The following GRM7 variants were observed in gnomAD, a reference collection of about 807,000 sequenced individuals.
GRM7 encodes metabotropic glutamate receptor 7.
Under a neutral mutation model 84.5 loss-of-function variants are expected in GRM7, and 35 were observed. The observed-to-expected ratio is 0.41, with a 90% CI of 0.32 to 0.55. GRM7 has a LOEUF of 0.55. Ranked by LOEUF, GRM7 falls within the 20% of genes least tolerant of loss-of-function variation. The pLI is 0.19. For missense variants in GRM7, 1,003 were observed against 1,194.6 expected (o/e 0.84, Z 2.36); for synonymous variants, 487 against 455.1 (o/e 1.07, Z -0.89).
rs1359217351 is a variant in GRM7 at position 7,072,785 on chromosome 3, T to C, written c.520-73667T>C. Among the ~76,000 whole-genome samples, 4 of 152,164 alleles carry C rather than the reference T, an allele frequency of 2.6e-5. No homozygotes were observed. In the East Asian group the frequency reaches 7.7e-4, roughly 29 times the overall value. On this transcript the variant is annotated intron_variant, in intron 1 of 9. Coordinates refer to ENST00000357716, the MANE Select transcript of GRM7 (RefSeq NM_000844.4). ...TGCAGAACATTACAGAACACAGTAATGTGTTTGCAAAAGGATATTGATAGA... is the reference window on the plus strand; with the variant it reads ...TGCAGAACATTACAGAACACAGTAACGTGTTTGCAAAAGGATATTGATAGA...
intron 2 of GRM7, among the ~76,000 whole-genome samples, chr3:7,233,737 A>G (rs144273999): frequency 1.1e-3 from 174 of 152,230 alleles, no homozygotes; most frequent in African/African-American, 3.7e-3. Flanking sequence ...ACTTTTGAAC[A>G]GGTAAAAATT....
chr3:7,139,431 G>T (rs1693874546), intron 1 of GRM7, among the ~76,000 whole-genome samples: 1 of 151,782 alleles, frequency 6.6e-6, no homozygotes, highest in South Asian at 2.1e-4. Context: ...AGTTAGAGAA[G>T]CAAAAAGGTC....
chr3:7,044,187 A>T (rs1010939997), intron 1 of GRM7, among the ~76,000 whole-genome samples: 36 of 152,172 alleles, frequency 2.4e-4, no homozygotes, highest in African/African-American at 8.2e-4. Flanking sequence ...TATCTTCCAG[A>T]CTGGCATGGA....
intron 2 of GRM7, among the ~76,000 whole-genome samples, chr3:7,258,505 G>A (rs552007582): frequency 2.7e-4 from 41 of 152,278 alleles, no homozygotes; most frequent in African/African-American, 7.5e-4. Context: ...ATACACATCC[G>A]TCTAAAAGTA....
chr3:7,617,768 G>A (rs180721249), intron 8 of GRM7, among the ~76,000 whole-genome samples: 14 of 152,266 alleles, frequency 9.2e-5, no homozygotes, highest in African/African-American at 3.4e-4. Flanking sequence ...GAAAGAGTTT[G>A]GAGGGGACTT....
chr3:7,575,824 G>C (rs1694934130), intron 7 of GRM7, among the ~76,000 whole-genome samples: 1 of 152,108 alleles, frequency 6.6e-6, no homozygotes, highest in African/African-American at 2.4e-5. Flanking sequence ...TGATGTTCGT[G>C]GTTACAGCTC....
chr3:7,175,798 A>G (rs745335640), intron 2 of GRM7, among the ~76,000 whole-genome samples: 20 of 152,250 alleles, frequency 1.3e-4, no homozygotes, highest in African/African-American at 3.9e-4. Flanking sequence ...TTGGCCTCCC[A>G]AAGTGCTGGG....
intron 4 of GRM7, among the ~76,000 whole-genome samples, chr3:7,364,516 C>CT (rs1055480121): frequency 1.3e-5 from 2 of 151,430 alleles, no homozygotes; most frequent in African/African-American, 4.8e-5. Flanking sequence ...ATATAATTTG[C>CT]TTTTTTTCTA....
chr3:7,276,785 T>C (rs374632272), intron 2 of GRM7, among the ~76,000 whole-genome samples: 11 of 62,764 alleles, frequency 1.8e-4, no homozygotes, highest in African/African-American at 4.9e-4. Flanking sequence ...CTTCCTTCCT[T>C]CCTTCCTTCC....
At chr3:7,684,238 T>G (rs996189432) in intron 9 of GRM7, among the ~76,000 whole-genome samples, 5 of 152,222 alleles carry the variant, frequency 3.3e-5, no homozygotes, top group Non-Finnish European at 5.9e-5. Flanking sequence ...TAAATGACAT[T>G]ATTTTCTGAA....
At chr3:7,276,550 T>C (rs902932387) in intron 2 of GRM7, among the ~76,000 whole-genome samples, 13 of 151,944 alleles carry the variant, frequency 8.6e-5, no homozygotes, top group Non-Finnish European at 1.5e-4. Flanking sequence ...TGATCTTAGA[T>C]GAAAATGGCG....
intron 1 of GRM7, among the ~76,000 whole-genome samples, chr3:6,993,459 G>A (rs146207677): frequency 4.5e-4 from 69 of 152,174 alleles, no homozygotes; most frequent in African/African-American, 1.5e-3. Flanking sequence ...CTCAAAGACA[G>A]TAATTCAGAT....
chr3:7,568,599 G>C (rs1207995775), intron 7 of GRM7, among the ~76,000 whole-genome samples: 1 of 152,218 alleles, frequency 6.6e-6, no homozygotes, highest in African/African-American at 2.4e-5. Flanking sequence ...GGTGTGGAGG[G>C]AGAGGCGCAA....
chr3:7,347,743 A>C (rs1363175717), intron 4 of GRM7, among the ~76,000 whole-genome samples: 2 of 152,128 alleles, frequency 1.3e-5, no homozygotes, highest in Admixed American at 6.6e-5. Context: ...TTCACCATTT[A>C]TCTCTCCTAT....
At chr3:7,475,196 G>A (rs1698872554) in intron 7 of GRM7, among the ~76,000 whole-genome samples, 6 of 152,186 alleles carry the variant, frequency 3.9e-5, no homozygotes, top group Admixed American at 3.9e-4. Flanking sequence ...TATAACAAAT[G>A]TGTTCTTGAT....
At chr3:7,328,051 C>T (rs992019735) in intron 4 of GRM7, among the ~76,000 whole-genome samples, 1 of 152,148 alleles carries the variant, frequency 6.6e-6, no homozygotes, top group Non-Finnish European at 1.5e-5. Context: ...ACACAGGGCC[C>T]TCTAATGCTG....
At chr3:7,733,383 C>T (rs1047889019) in intron 9 of GRM7, among the ~76,000 whole-genome samples, 1 of 152,208 alleles carries the variant, frequency 6.6e-6, no homozygotes, top group Admixed American at 6.5e-5. Flanking sequence ...GGTCACCACA[C>T]AGGAGCCAAA....
chr3:7,398,953 T>C (rs712764), intron 4 of GRM7, among the ~76,000 whole-genome samples: 121,809 of 151,834 alleles, frequency 0.8, 49,519 homozygotes, highest in African/African-American at 0.9. Context: ...CTTTGACACC[T>C]TCAAATGCGG....
chr3:7,011,250 AT>A (rs1289857006), intron 1 of GRM7, among the ~76,000 whole-genome samples: 1 of 152,238 alleles, frequency 6.6e-6, no homozygotes, highest in Non-Finnish European at 1.5e-5. Context: ...GTTACCAATA[AT>A]AACAGCAATC....
Sources: allele counts gnomAD v4.1 joint callset (sites outside exome capture counted in the v4.1 genomes callset), GRCh38; gene constraint gnomAD v4.1.1; transcripts MANE v1.5; gene names NCBI Gene and HGNC (gene_info 2026-07-23, HGNC 2026-07-21).